The following KCNJ8 variants were observed in gnomAD, a reference collection of about 807,000 sequenced individuals.
The protein encoded by KCNJ8 is potassium inwardly rectifying channel subfamily J member 8, also known as ATP-sensitive inward rectifier potassium channel 8.
In KCNJ8, 13 loss-of-function variants were observed where a neutral mutation model predicts 28.2. That is an observed-to-expected ratio of 0.46 (90% CI 0.30 to 0.73). The LOEUF (loss-of-function observed/expected upper bound fraction) is 0.73, where lower values mean the gene tolerates loss of function less well. KCNJ8 is among the 30% of genes least tolerant of loss of function. The probability of loss-of-function intolerance (pLI) is 0.07; values close to 1 mark genes in which losing one functional copy is unlikely to be tolerated. For synonymous variants in KCNJ8, 188 were observed against 195.9 expected, an observed-to-expected ratio of 0.96 and a Z score of 0.34; for missense variants, 284 against 542.6, an observed-to-expected ratio of 0.52 and a Z score of 4.73.
Position 21,766,634 on chromosome 12 carries a change from T to C in KCNJ8, c.375-11A>G, listed in dbSNP as rs1319801356. On this transcript the variant is annotated splice_polypyrimidine_tract_variant and intron_variant, in intron 2 of 2. Coordinates refer to ENST00000240662, the MANE Select transcript of KCNJ8 (RefSeq NM_004982.4). This position sits in a 1 kb window ranked among gnomAD's most constrained non-coding sequence, Gnocchi z 6.5. ...GCAGAAGTGAAAGACCTGTGAGGAA[T>C]GATATCAGAAAAGAACACCATCAGG... is the stretch of plus-strand genomic sequence containing the variant. 6.3e-7 allele frequency: 1 copy of C among 1,592,120 alleles called. No homozygotes were observed. Among genetic ancestry groups the C allele is most frequent in the South Asian group, 1.1e-5 (1 of 90,766 alleles).
chr12:21,774,472 T>G (rs1448846592), intron 1 of KCNJ8, 74 bp downstream of exon 1: 2 of 151,972 alleles, frequency 1.3e-5, no homozygotes, highest in African/African-American at 2.4e-5. Context: ...CTGCGGTGTT[T>G]TGCATTTTAA....
chr12:21,771,304 C>A (rs931543673), intron 2 of KCNJ8, among the ~76,000 whole-genome samples: 1 of 152,180 alleles, frequency 6.6e-6, no homozygotes, highest in South Asian at 2.1e-4. Flanking sequence ...ACATATGGTA[C>A]AAGACCCAGC....
At position 21,773,395 on chromosome 12, in the gene KCNJ8, G is replaced by T; in HGVS notation, c.222C>A (p.Val74=). 6.2e-7 allele frequency: 1 copy of T among 1,614,226 alleles called. No individual in the cohort carries two copies. Among genetic ancestry groups the T allele is most frequent in the South Asian group, 1.1e-5 (1 of 91,060 alleles). The change falls in exon 2 of 3, where the codon GTC becomes GTA. Residue 74 remains valine (V), a synonymous_variant. Transcript: ENST00000240662. The surrounding 1 kb of genome is among the most constrained non-coding windows in gnomAD (Gnocchi z 4.6). ...LVDLKWRHTL[V]IFTMSFLCSW... ...TGCAGAGGAAGGACATGGTAAAGAT[G>T]ACCAGCGTGTGGCGCCATTTCAGGT...
Position 21,773,624 on chromosome 12 carries a change from T to C in KCNJ8, c.-8A>G. 1.2e-6 allele frequency: 2 copies of C among 1,611,812 alleles called. No homozygotes were observed. Among genetic ancestry groups the C allele is most frequent in the Non-Finnish European group, 1.7e-6 (2 of 1,180,002 alleles). On this transcript the variant is annotated 5_prime_UTR_variant, in exon 2 of 3. Coordinates refer to ENST00000240662, the MANE Select transcript of KCNJ8 (RefSeq NM_004982.4). This position sits in a 1 kb window ranked among gnomAD's most constrained non-coding sequence, Gnocchi z 4.6. ...ACTCTTTCTGGCCAACATCGTCCTG[T>C]CACCATAGCCAGCTTAGCCACCTCC...
chr12:21,773,264 G>C lies in KCNJ8; in HGVS notation c.353C>G (p.Thr118Ser), dbSNP rs770087869. 3.7e-6 allele frequency: 6 copies of C among 1,613,658 alleles called. No homozygotes were observed. The Admixed American group carries it at 1.0e-4, about 27-fold the overall frequency. The change falls in exon 2 of 3, where the codon ACT (threonine) becomes AGT (serine). Residue 118 changes from threonine (T) to serine (S), a missense_variant. By Grantham distance (58) the Thr-to-Ser change is moderately conservative (BLOSUM62 1). This residue lies in a region of KCNJ8 where 42 missense variants were observed against 50.9 expected (regional missense o/e 0.83). Transcript: ENST00000240662. The surrounding 1 kb of genome is among the most constrained non-coding windows in gnomAD (Gnocchi z 4.6). ...TTACCTGACATTAGTCACACACACA[G>C]TGGACTCCAAACCACTTTTCTCCAT... ...SGMEKSGLES[T>S]VCVTNVRSFT...
chr12:21,768,502 C>T (rs757747809), intron 2 of KCNJ8, among the ~76,000 whole-genome samples: 6 of 152,144 alleles, frequency 3.9e-5, no homozygotes, highest in Non-Finnish European at 7.3e-5. Context: ...ACAAAGAACA[C>T]TAAGTGTTCG....
chr12:21,766,122 G>C lies in KCNJ8; in HGVS notation c.876C>G (p.Val292=). Residue 292 remains valine (V), a synonymous_variant, in exon 3 of 3, where the codon GTC becomes GTG. Transcript: ENST00000240662. The surrounding 1 kb of genome is among the most constrained non-coding windows in gnomAD (Gnocchi z 6.5). ...CAACCACTCCTTCCAGAATAACTATGACCTCCAAGTCTTGGTTGGCCAGGT... is the reference window on the plus strand; with the variant it reads ...CAACCACTCCTTCCAGAATAACTATCACCTCCAAGTCTTGGTTGGCCAGGT... ...ATDLANQDLE[V]IVILEGVVET... is the part of the protein sequence containing the mutation. 1 of 1,614,152 alleles carries C rather than the reference G, an allele frequency of 6.2e-7. No homozygotes were observed. The highest frequency in any genetic ancestry group is 1.1e-5 in the South Asian group (1 of 91,074).
intron 2 of KCNJ8, among the ~76,000 whole-genome samples, chr12:21,767,196 A>G (rs1940644933): frequency 6.6e-6 from 1 of 152,166 alleles, no homozygotes; most frequent in Non-Finnish European, 1.5e-5. Flanking sequence ...AAAAACTAGT[A>G]TAAAACACAT....
chr12:21,772,063 C>G (rs555512183), intron 2 of KCNJ8, among the ~76,000 whole-genome samples: 1 of 152,126 alleles, frequency 6.6e-6, no homozygotes, highest in Non-Finnish European at 1.5e-5. Flanking sequence ...GTGATCTCTG[C>G]GCACTAATGC....
chr12:21,767,307 A>ACC (rs1940648848), intron 2 of KCNJ8, among the ~76,000 whole-genome samples: 2 of 25,640 alleles, frequency 7.8e-5, no homozygotes, highest in Non-Finnish European at 1.6e-4. Flanking sequence ...AGGGGTCCCC[A>ACC]ACCCCCCCCC....
In KCNJ8 at chr12:21,766,800, T is replaced by C; in HGVS notation, c.375-177A>G. 1.6e-6 allele frequency: 1 copy of C among 630,484 alleles called. No individual in the cohort carries two copies. Among genetic ancestry groups the C allele is most frequent in the Non-Finnish European group, 2.8e-6 (1 of 354,508 alleles). The allele number at this position is 630,484 out of a possible 1,614,324, so 39.1% of individuals were successfully genotyped here. A position where few individuals can be genotyped will look rare whatever the true frequency, so the allele number is the denominator to read the frequency against. ...AACTGTGTTTAGAACAGTCTCTCTC[T>C]CTCTTGCATGCATCTACCTCCAGAC... On this transcript the variant is annotated intron_variant, in intron 2 of 2. Transcript: ENST00000240662. This position sits in a 1 kb window ranked among gnomAD's most constrained non-coding sequence, Gnocchi z 6.5.
chr12:21,767,639 G>T (rs1357524157), intron 2 of KCNJ8, among the ~76,000 whole-genome samples: 1 of 152,164 alleles, frequency 6.6e-6, no homozygotes, highest in Non-Finnish European at 1.5e-5. Context: ...CTCCAAAAAG[G>T]TTGGGGAGCA....
In KCNJ8 at chr12:21,773,789, G is replaced by A; in HGVS notation, c.-70-103C>T. 3.7e-6 allele frequency: 3 copies of A among 804,896 alleles called. No homozygotes were observed. The highest frequency in any genetic ancestry group is 1.7e-5 in the African/African-American group (1 of 57,678). The allele number at this position is 804,896 out of a possible 1,614,324, so 49.9% of individuals were successfully genotyped here. ...TGTCTGTACATGTGCGAGGTGACATGCAAAACCAAAAATGTGATTTTTACT... is the reference window on the plus strand; with the variant it reads ...TGTCTGTACATGTGCGAGGTGACATACAAAACCAAAAATGTGATTTTTACT... On this transcript the variant is annotated intron_variant, in intron 1 of 2. Coordinates refer to ENST00000240662, the MANE Select transcript of KCNJ8 (RefSeq NM_004982.4). This position sits in a 1 kb window ranked among gnomAD's most constrained non-coding sequence, Gnocchi z 4.6.
At chr12:21,769,947 A>G (rs918227463) in intron 2 of KCNJ8, among the ~76,000 whole-genome samples, 6 of 152,232 alleles carry the variant, frequency 3.9e-5, no homozygotes, top group Non-Finnish European at 7.3e-5. Context: ...TGTTGAAATG[A>G]CAACAAAGAA....
At chr12:21,768,426 C>T (rs1477531293) in intron 2 of KCNJ8, among the ~76,000 whole-genome samples, 2 of 152,294 alleles carry the variant, frequency 1.3e-5, no homozygotes, top group African/African-American at 2.4e-5. Flanking sequence ...TGTTTCTTCC[C>T]CTTTCATCAG....
intron 2 of KCNJ8, among the ~76,000 whole-genome samples, chr12:21,772,103 A>G (rs1251854562): frequency 6.6e-6 from 1 of 152,190 alleles, no homozygotes; most frequent in Non-Finnish European, 1.5e-5. Context: ...CTGGCATTGT[A>G]GTTCCTTAGC....
chr12:21,772,205 T>G (rs922352132), intron 2 of KCNJ8, among the ~76,000 whole-genome samples: 1 of 152,218 alleles, frequency 6.6e-6, no homozygotes, highest in Non-Finnish European at 1.5e-5. Context: ...AGAGGTCCCA[T>G]TCTTTACAGT....
In KCNJ8 at chr12:21,766,977, G is replaced by T. The variant is rs190573510; in HGVS notation, c.375-354C>A. On this transcript the variant is annotated intron_variant, in intron 2 of 2. Coordinates refer to ENST00000240662, the MANE Select transcript of KCNJ8 (RefSeq NM_004982.4). This position sits in a 1 kb window ranked among gnomAD's most constrained non-coding sequence, Gnocchi z 6.5. Reference sequence around the variant, plus strand: ...CATATATATGCATATTTTACCTTGCGAAATACTTCACTTTCACAAAGGCAC... The same window carrying T: ...CATATATATGCATATTTTACCTTGCTAAATACTTCACTTTCACAAAGGCAC... Among the ~76,000 whole-genome samples, 1 of 152,044 alleles carries T rather than the reference G, an allele frequency of 6.6e-6. No individual in the cohort carries two copies. The highest frequency in any genetic ancestry group is 2.4e-5 in the African/African-American group (1 of 41,406).
At chr12:21,772,166 T>A (rs79684781) in intron 2 of KCNJ8, among the ~76,000 whole-genome samples, 3,253 of 152,274 alleles carry the variant, frequency 0.021, 110 homozygotes, top group African/African-American at 0.073. Flanking sequence ...TGCAGTGATA[T>A]GCTAGCTTAA....
Sources: gnomAD v4.1 joint callset for allele counts (sites outside exome capture counted in the v4.1 genomes callset) on GRCh38, gnomAD v4.1.1 for gene constraint, gnomAD v4.1.1 regional missense constraint, Gnocchi (gnomAD v3.1) non-coding constraint, MANE v1.5 for transcripts, NCBI Gene and HGNC (gene_info 2026-07-23, HGNC 2026-07-21) for gene names.